CDH13: variants seen among roughly 807,000 people sequenced by gnomAD.
CDH13 encodes cadherin-13.
Under a neutral mutation model 63.8 loss-of-function variants are expected in CDH13, and 24 were observed. The observed-to-expected ratio is 0.38, with a 90% confidence interval of 0.27 to 0.53. CDH13 has a LOEUF of 0.53. Among genes scored for constraint, CDH13 ranks in the 20% least tolerant of loss-of-function variants. The pLI, the probability that CDH13 is intolerant of heterozygous loss-of-function variation, is 0.85. For missense variants in CDH13, 1,049 were observed against 903.1 expected (o/e 1.16, Z -2.07); for synonymous variants, 503 against 355.3 (o/e 1.42, Z -4.67).
At chr16:83,285,763 G>C (rs2089295538) in intron 5 of CDH13, among the ~76,000 whole-genome samples, 1 of 152,082 alleles carries the variant, frequency 6.6e-6, no homozygotes, top group African/African-American at 2.4e-5. Context: ...GGTACCAAGG[G>C]ACAATTGTAA....
intron 7 of CDH13, among the ~76,000 whole-genome samples, chr16:83,585,147 G>A (rs1015210716): frequency 1.3e-5 from 2 of 152,178 alleles, no homozygotes; most frequent in Non-Finnish European, 1.5e-5. Flanking sequence ...GTGGCTTCCT[G>A]TGTGCCATAC....
chr16:82,760,195 T>A (rs946946323), intron 1 of CDH13, among the ~76,000 whole-genome samples: 1 of 152,092 alleles, frequency 6.6e-6, no homozygotes, highest in Non-Finnish European at 1.5e-5. Flanking sequence ...TCTGTGCCAG[T>A]TAGACATAAG....
intron 1 of CDH13, among the ~76,000 whole-genome samples, chr16:82,779,264 C>T (rs376983169): frequency 4.2e-4 from 64 of 152,204 alleles, no homozygotes; most frequent in African/African-American, 1.5e-3. Flanking sequence ...AGTTGAGGGA[C>T]ATGTCCAAGA....
chr16:83,687,246 C>G (rs1347539693), intron 10 of CDH13, among the ~76,000 whole-genome samples: 1 of 152,084 alleles, frequency 6.6e-6, no homozygotes, highest in Non-Finnish European at 1.5e-5. Context: ...TTGCATTAGT[C>G]CATTCTCAAA....
intron 1 of CDH13, among the ~76,000 whole-genome samples, chr16:82,710,731 A>C (rs1249205524): frequency 6.8e-6 from 1 of 146,654 alleles, no homozygotes; most frequent in Non-Finnish European, 1.5e-5. Context: ...TGTTTATAAA[A>C]TATTAGAAAA....
At chr16:82,766,739 A>C (rs1274576331) in intron 1 of CDH13, among the ~76,000 whole-genome samples, 1 of 152,050 alleles carries the variant, frequency 6.6e-6, no homozygotes, top group African/African-American at 2.4e-5. Context: ...AAATCCCCCA[A>C]ATTGCTTTCT....
chr16:82,720,810 G>A (rs916468469), intron 1 of CDH13, among the ~76,000 whole-genome samples: 1 of 152,124 alleles, frequency 6.6e-6, no homozygotes, highest in Non-Finnish European at 1.5e-5. Flanking sequence ...ACAGTGAGTT[G>A]GCATTGCTAC....
At chr16:83,283,265 C>T (rs921019714) in intron 5 of CDH13, among the ~76,000 whole-genome samples, 7 of 152,152 alleles carry the variant, frequency 4.6e-5, no homozygotes, top group African/African-American at 7.2e-5. Context: ...TGAATATGAA[C>T]TCCGAGTGTG....
At chr16:83,769,525 G>C (rs774670348) in intron 11 of CDH13, among the ~76,000 whole-genome samples, 1 of 152,190 alleles carries the variant, frequency 6.6e-6, no homozygotes, top group Non-Finnish European at 1.5e-5. Context: ...GGAGCAAAAA[G>C]CAGACATGTT....
intron 5 of CDH13, among the ~76,000 whole-genome samples, chr16:83,296,894 A>G (rs541703754): frequency 7.2e-5 from 11 of 152,316 alleles, no homozygotes; most frequent in African/African-American, 9.6e-5. Flanking sequence ...ACCCAGTTTC[A>G]TGATGGATTG....
chr16:82,776,891 G>A (rs1261487867), intron 1 of CDH13, among the ~76,000 whole-genome samples: 1 of 152,170 alleles, frequency 6.6e-6, no homozygotes, highest in East Asian at 1.9e-4. Flanking sequence ...GTGGAAGCTA[G>A]ACATTCAGAG....
rs562942948 is a variant in CDH13 at position 82,672,999 on chromosome 16, C to CTTTTTTTTTTTTTTTTT, written c.45+45866_45+45882dup. 3.2e-4 allele frequency among the ~76,000 whole-genome samples: 26 copies of CTTTTTTTTTTTTTTTTT among 81,266 alleles called. 6 individuals carry two copies. Among genetic ancestry groups the CTTTTTTTTTTTTTTTTT allele is most frequent in the African/African-American group, 4.8e-4 (9 of 18,594 alleles). The allele number at this position is 81,266 out of a possible 152,430, so 53.3% of individuals were successfully genotyped here. ...GTATGGCTAATTTTTATAAAGTTTTCTTTTTTTTTTTTTTTTTTTTGTAGA... is the reference window on the plus strand; with the variant it reads ...GTATGGCTAATTTTTATAAAGTTTTCTTTTTTTTTTTTTTTTTTTTTTTTTTTTTTTTTTTTTGTAGA... On this transcript the variant is annotated intron_variant, in intron 1 of 13. Transcript: ENST00000567109.
chr16:83,514,246 C>T (rs991638331), intron 7 of CDH13, among the ~76,000 whole-genome samples: 2 of 152,346 alleles, frequency 1.3e-5, no homozygotes, highest in Admixed American at 1.3e-4. Flanking sequence ...AAATTCATGT[C>T]TACCCAGAAC....
intron 6 of CDH13, among the ~76,000 whole-genome samples, chr16:83,396,403 A>G (rs1353836330): frequency 2.0e-5 from 3 of 152,226 alleles, no homozygotes; most frequent in Admixed American, 6.5e-5. Context: ...GCCATGTGTC[A>G]TGTAATTCTA....
At position 83,648,354 on chromosome 16, in the gene CDH13, C is replaced by T. The variant is rs544292706; in HGVS notation, c.1102-22436C>T. Among the ~76,000 whole-genome samples, 177 of 152,262 alleles carry T rather than the reference C, an allele frequency of 1.2e-3. 1 individual carries two copies. The highest frequency in any genetic ancestry group is 2.9e-3 in the African/African-American group (119 of 41,570). On this transcript the variant is annotated intron_variant, in intron 8 of 13. Coordinates refer to ENST00000567109, the MANE Select transcript of CDH13 (RefSeq NM_001257.5). The stretch of plus-strand genomic sequence containing the variant: ...AGACTTAAGGGTCACTTTGATTCAA[C>T]GCAAGTTTGTGTGATGCAGTGATTT...
intron 7 of CDH13, among the ~76,000 whole-genome samples, chr16:83,548,033 T>C (rs1159292744): frequency 6.6e-6 from 1 of 152,046 alleles, no homozygotes; most frequent in East Asian, 1.9e-4. Flanking sequence ...GGAGATGATA[T>C]ATGCAGAGCT....
chr16:83,717,547 G>T (rs1233178447), intron 10 of CDH13, among the ~76,000 whole-genome samples: 2 of 152,258 alleles, frequency 1.3e-5, no homozygotes, highest in African/African-American at 4.8e-5. Context: ...GTAGTGACAT[G>T]AAATGGGCAC....
chr16:83,392,065 G>T (rs188519567), intron 6 of CDH13, among the ~76,000 whole-genome samples: 1 of 152,070 alleles, frequency 6.6e-6, no homozygotes, highest in Non-Finnish European at 1.5e-5. Flanking sequence ...TAACACCCCC[G>T]ATTATTGTGA....
chr16:82,665,942 C>T (rs1006728869), intron 1 of CDH13, among the ~76,000 whole-genome samples: 1 of 152,068 alleles, frequency 6.6e-6, no homozygotes, highest in African/African-American at 2.4e-5. Context: ...AATTCAAAAT[C>T]TGAAAAATGG....
Sources: allele counts gnomAD v4.1 joint callset (sites outside exome capture counted in the v4.1 genomes callset), GRCh38; gene constraint gnomAD v4.1.1; transcripts MANE v1.5; gene names NCBI Gene and HGNC (gene_info 2026-07-23, HGNC 2026-07-21).